Variants in IRAK4 observed in about 807,000 individuals in gnomAD.
IRAK4 encodes interleukin 1 receptor associated kinase 4.
In IRAK4, 44 loss-of-function variants were observed where a neutral mutation model predicts 51.8. That is an observed-to-expected ratio of 0.85 (90% CI 0.67 to 1.09). IRAK4 has a LOEUF of 1.09. Ranked by LOEUF, IRAK4 falls within the 50% of genes least tolerant of loss-of-function variation. The probability of loss-of-function intolerance (pLI) is 0.00; values close to 1 mark genes in which losing one functional copy is unlikely to be tolerated. For missense variants in IRAK4, 487 were observed against 538.0 expected (o/e 0.91, Z 0.94); for synonymous variants, 149 against 174.1 (o/e 0.86, Z 1.13).
intron 6 of IRAK4, among the ~76,000 whole-genome samples, chr12:43,774,534 C>T (rs922490015): frequency 6.6e-6 from 1 of 152,178 alleles, no homozygotes. Flanking sequence ...GGCGTGACCA[C>T]GCCTGGCCGC....
rs546560330 is a variant in IRAK4, at chr12:43,763,630, A to G, written c.-9-4473A>G. ...CTACAATAGTTTTTAAGAGGGTAAAAGGTCCTGAGACCAAATTTGAAAACT... is the reference window on the plus strand; with the variant it reads ...CTACAATAGTTTTTAAGAGGGTAAAGGGTCCTGAGACCAAATTTGAAAACT... On this transcript the variant is annotated intron_variant, in intron 1 of 11. Transcript: ENST00000613694. 2.0e-5 allele frequency among the ~76,000 whole-genome samples: 3 copies of G among 152,254 alleles called. No homozygotes were observed. In the South Asian group the frequency reaches 6.2e-4, roughly 32 times the overall value.
In IRAK4 at chr12:43,778,312, A is replaced by G. The variant is rs770469230; in HGVS notation, c.941+10A>G. The G allele has an allele frequency of 1.4e-6, 2 of 1,456,608 alleles. No homozygotes were observed. Among genetic ancestry groups the G allele is most frequent in the Non-Finnish European group, 9.6e-7 (1 of 1,036,930 alleles). 90.2% of individuals were successfully genotyped at this position (1,456,608 alleles called of 1,614,324 possible). On this transcript the variant is annotated intron_variant, in intron 8 of 11. Coordinates refer to ENST00000613694, the MANE Select transcript of IRAK4 (RefSeq NM_016123.4). ...ATAGAGATATTAAAAGGTAAATGCTACTGTTTAAAAGTTTTTGGAAAGCTG... is the reference window on the plus strand; with the variant it reads ...ATAGAGATATTAAAAGGTAAATGCTGCTGTTTAAAAGTTTTTGGAAAGCTG...
At chr12:43,770,941 G>C (rs539226440) in intron 2 of IRAK4, 1 of 602,084 alleles carries the variant, frequency 1.7e-6, no homozygotes, top group Admixed American at 2.2e-5. Context: ...AAAAGGATAA[G>C]TTAGGCCCTA....
At chr12:43,765,769 A>G (rs769549143) in intron 1 of IRAK4, among the ~76,000 whole-genome samples, 1 of 151,708 alleles carries the variant, frequency 6.6e-6, no homozygotes, top group Non-Finnish European at 1.5e-5. Context: ...GCTCCAGACC[A>G]CATATATAAG....
chr12:43,765,320 G>A (rs4251449), intron 1 of IRAK4, among the ~76,000 whole-genome samples: 7 of 152,144 alleles, frequency 4.6e-5, no homozygotes, highest in African/African-American at 1.7e-4. Context: ...CTCGAAAATC[G>A]ATGTGGATGG....
At position 43,768,340 on chromosome 12, in the gene IRAK4, G is replaced by GTA. The variant is rs1431761198; in HGVS notation, c.161+69_161+70dup. The GTA allele has an allele frequency of 1.1e-5, 13 of 1,230,356 alleles. No homozygotes were observed. The Admixed American group carries it at 1.6e-4, about 15-fold the overall frequency. The allele number at this position is 1,230,356 out of a possible 1,614,324, so 76.2% of individuals were successfully genotyped here. On this transcript the variant is annotated intron_variant, in intron 2 of 11. Transcript: ENST00000613694. ...AATATGGAATGATTAATTGGTATAA[G>GTA]TACTGTCTAATGTGGCAGTTTAGAA...
intron 10 of IRAK4, among the ~76,000 whole-genome samples, chr12:43,784,479 A>T (rs927235573): frequency 6.6e-6 from 1 of 152,206 alleles, no homozygotes; most frequent in Admixed American, 6.5e-5. Flanking sequence ...AGAACTTCTG[A>T]CCAACTGCCT....
At chr12:43,778,449 A>G in intron 8 of IRAK4, 147 bp downstream of exon 8, 1 of 639,874 alleles carries the variant, frequency 1.6e-6, no homozygotes, top group Non-Finnish European at 2.8e-6. Flanking sequence ...CAATAAGGAC[A>G]TCTATAATCT....
At chr12:43,781,739 A>G (rs1941795243) in intron 8 of IRAK4, among the ~76,000 whole-genome samples, 1 of 152,238 alleles carries the variant, frequency 6.6e-6, no homozygotes, top group South Asian at 2.1e-4. Context: ...ACTACACAAC[A>G]TAGGGAGTTC....
At position 43,777,629 on chromosome 12, in the gene IRAK4, G is replaced by T. The variant is rs1555169270; in HGVS notation, c.717-1G>T. 5.0e-6 allele frequency: 8 copies of T among 1,601,546 alleles called. No homozygotes were observed. Among genetic ancestry groups the T allele is most frequent in the Non-Finnish European group, 6.8e-6 (8 of 1,173,556 alleles). ...TTTGCATGAAAAATTATTTGTCACA[G>T]GTGTCAACATGAAAACTTAGTAGAA... is the stretch of plus-strand genomic sequence containing the variant. On this transcript the variant is annotated splice_acceptor_variant, in intron 6 of 11. Coordinates refer to ENST00000613694, the MANE Select transcript of IRAK4 (RefSeq NM_016123.4). LOFTEE classifies it high-confidence loss of function.
At chr12:43,775,624 G>T (rs1182677290) in intron 6 of IRAK4, among the ~76,000 whole-genome samples, 2 of 152,040 alleles carry the variant, frequency 1.3e-5, no homozygotes, top group African/African-American at 4.8e-5. Flanking sequence ...CCATAGCTAG[G>T]TTTGTTTCTA....
chr12:43,789,293 G>A lies in IRAK4; in HGVS notation c.*2578G>A, dbSNP rs1451923265. On this transcript the variant is annotated 3_prime_UTR_variant, in exon 12 of 12. Transcript: ENST00000613694. ...CACTCAGTTCGTGTGAGATCTGGTGGCTTAAAAGAGTCTGCTCCCCCTTTG... is the reference window on the plus strand; with the variant it reads ...CACTCAGTTCGTGTGAGATCTGGTGACTTAAAAGAGTCTGCTCCCCCTTTG... The A allele has an allele frequency of 1.3e-5, 2 of 152,120 alleles. No homozygotes were observed. Among genetic ancestry groups the A allele is most frequent in the Non-Finnish European group, 2.9e-5 (2 of 68,046 alleles). The allele number at this position is 152,120 out of a possible 1,614,324, so 9.4% of individuals were successfully genotyped here. A position where few individuals can be genotyped will look rare whatever the true frequency, so the allele number is the denominator to read the frequency against.
intron 9 of IRAK4, among the ~76,000 whole-genome samples, 166 bp downstream of exon 9, chr12:43,782,656 A>G (rs1000331325): frequency 6.6e-6 from 1 of 152,254 alleles, no homozygotes; most frequent in Admixed American, 6.5e-5. Context: ...AACTTCTTCC[A>G]ATGTGTAAAA....
Position 43,768,292 on chromosome 12 carries a change from G to A in IRAK4, c.161+20G>A. Reference sequence around the variant, plus strand: ...CATAAGGTAACAGATAAAATTCTTTGTATTTTTAAATTCTTACATCACAAT... The same window carrying A: ...CATAAGGTAACAGATAAAATTCTTTATATTTTTAAATTCTTACATCACAAT... On this transcript the variant is annotated intron_variant, in intron 2 of 11. Transcript: ENST00000613694. The A allele has an allele frequency of 6.4e-7, 1 of 1,572,932 alleles. No homozygotes were observed. The highest frequency in any genetic ancestry group is 8.7e-7 in the Non-Finnish European group (1 of 1,145,790).
chr12:43,765,337 G>A (rs906444242), intron 1 of IRAK4, among the ~76,000 whole-genome samples: 3 of 152,158 alleles, frequency 2.0e-5, no homozygotes, highest in Non-Finnish European at 4.4e-5. Context: ...ATGGTCTGCC[G>A]CAGCAGGCTT....
At chr12:43,767,989 T>C (rs890537257) in intron 1 of IRAK4, 114 bp from the exon 2 acceptor site, 2 of 710,864 alleles carry the variant, frequency 2.8e-6, no homozygotes, top group South Asian at 3.4e-5. Context: ...TTCTTTATTA[T>C]GGTATAATCA....
rs1354390194 is a variant in IRAK4, at chr12:43,783,631, A to C, written c.1126-31A>C. On this transcript the variant is annotated intron_variant, in intron 9 of 11. Transcript: ENST00000613694. ...CCACTGTGCCCAGCCTATCTTGTGT[A>C]TTATATTAATGATTTTTTTTGTCTT... 5.7e-6 allele frequency: 8 copies of C among 1,392,054 alleles called. No homozygotes were observed. The South Asian group carries it at 8.3e-5, about 14-fold the overall frequency. The allele number at this position is 1,392,054 out of a possible 1,614,324, so 86.2% of individuals were successfully genotyped here.
At chr12:43,775,346 C>T (rs1178995783) in intron 6 of IRAK4, among the ~76,000 whole-genome samples, 3 of 152,066 alleles carry the variant, frequency 2.0e-5, no homozygotes, top group Non-Finnish European at 2.9e-5. Context: ...GGACTTAATA[C>T]GTAGGTGATG....
At chr12:43,783,951 T>G (rs537907469) in intron 10 of IRAK4, among the ~76,000 whole-genome samples, 29 of 152,216 alleles carry the variant, frequency 1.9e-4, no homozygotes, top group Non-Finnish European at 3.8e-4. Flanking sequence ...TTCTGATTTC[T>G]TTGTGGGTAA....
Sources: allele counts gnomAD v4.1 joint callset (sites outside exome capture counted in the v4.1 genomes callset), GRCh38; gene constraint gnomAD v4.1.1; transcripts MANE v1.5; gene names NCBI Gene and HGNC (gene_info 2026-07-23, HGNC 2026-07-21).